The following NKAIN2 variants were observed in gnomAD, a reference collection of about 807,000 sequenced individuals.
The protein encoded by NKAIN2 is sodium/potassium transporting ATPase interacting 2, also known as sodium/potassium-transporting ATPase subunit beta-1-interacting protein 2.
Under a neutral mutation model 32.6 loss-of-function variants are expected in NKAIN2, and 14 were observed. The ratio of observed to expected loss-of-function variants is 0.43; its 90% CI spans 0.28 to 0.67. NKAIN2 has a LOEUF of 0.67. Ranked by LOEUF, NKAIN2 falls within the 30% of genes least tolerant of loss-of-function variation. The pLI, the probability that NKAIN2 is intolerant of heterozygous loss-of-function variation, is 0.17. For synonymous variants in NKAIN2, 80 were observed against 87.2 expected (o/e 0.92, Z 0.46); for missense variants, 198 against 258.3 (o/e 0.77, Z 1.60).
chr6:124,130,266 T>C (rs1786402634), intron 1 of NKAIN2, among the ~76,000 whole-genome samples: 1 of 152,182 alleles, frequency 6.6e-6, no homozygotes, highest in African/African-American at 2.4e-5. Flanking sequence ...CCACAGGGTA[T>C]GAACCAAAAT....
intron 3 of NKAIN2, among the ~76,000 whole-genome samples, chr6:124,645,351 G>T (rs1471119519): frequency 6.6e-6 from 1 of 152,156 alleles, no homozygotes; most frequent in South Asian, 2.1e-4. Flanking sequence ...TCTTCCAATG[G>T]TCTCCACATC....
rs531049183 is a variant in NKAIN2, at chr6:123,893,274, C to A, written c.54+89020C>A. Among the ~76,000 whole-genome samples the A allele has an allele frequency of 2.6e-5, 4 of 152,282 alleles. No homozygotes were observed. In the East Asian group the frequency reaches 5.8e-4, roughly 22 times the overall value. On this transcript the variant is annotated intron_variant, in intron 1 of 6. Coordinates refer to ENST00000368417, the MANE Select transcript of NKAIN2 (RefSeq NM_001040214.3). ...GGAGTACAGTGGTGGGATCATATTT[C>A]ATTGTAGCCTTGAATTGCTGGACTC...
At chr6:124,102,368 G>C (rs1281616244) in intron 1 of NKAIN2, among the ~76,000 whole-genome samples, 1 of 152,202 alleles carries the variant, frequency 6.6e-6, no homozygotes, top group Non-Finnish European at 1.5e-5. Context: ...GAAGGGGCAG[G>C]AGTTTGGACA....
intron 2 of NKAIN2, among the ~76,000 whole-genome samples, chr6:124,332,351 C>T (rs755337820): frequency 6.6e-6 from 1 of 151,740 alleles, no homozygotes; most frequent in Non-Finnish European, 1.5e-5. Context: ...TCTTACTTGG[C>T]CTTCTTTCAT....
At chr6:123,910,393 T>C (rs376829431) in intron 1 of NKAIN2, among the ~76,000 whole-genome samples, 15 of 152,234 alleles carry the variant, frequency 9.9e-5, no homozygotes, top group African/African-American at 3.1e-4. Context: ...CACTAATTAA[T>C]ACTGACTTTT....
intron 1 of NKAIN2, among the ~76,000 whole-genome samples, chr6:124,167,344 C>T (rs1168746999): frequency 6.6e-6 from 1 of 151,292 alleles, no homozygotes; most frequent in Non-Finnish European, 1.5e-5. Context: ...TATAAGAATG[C>T]TTGTGATTTT....
At chr6:124,034,867 A>T (rs925936393) in intron 1 of NKAIN2, among the ~76,000 whole-genome samples, 4 of 151,934 alleles carry the variant, frequency 2.6e-5, no homozygotes, top group African/African-American at 9.7e-5. Flanking sequence ...TTCTCTGAAG[A>T]TTAGTGATGT....
chr6:124,342,207 T>G (rs1382787993), intron 2 of NKAIN2, among the ~76,000 whole-genome samples: 1 of 151,730 alleles, frequency 6.6e-6, no homozygotes, highest in African/African-American at 2.4e-5. Context: ...CGAGACCATC[T>G]TGGCTGACAT....
chr6:124,687,710 T>G (rs1481295455), intron 4 of NKAIN2, among the ~76,000 whole-genome samples: 1 of 18,318 alleles, frequency 5.5e-5, no homozygotes, highest in Non-Finnish European at 1.6e-4. Context: ...AATATATGAA[T>G]ATAATATATA....
At chr6:123,813,003 T>C (rs942202602) in intron 1 of NKAIN2, among the ~76,000 whole-genome samples, 1 of 152,272 alleles carries the variant, frequency 6.6e-6, no homozygotes, top group Non-Finnish European at 1.5e-5. Context: ...GAAGGGTCTA[T>C]GTTACATGTG....
chr6:124,506,626 G>T (rs965342530), intron 3 of NKAIN2, among the ~76,000 whole-genome samples: 8 of 151,856 alleles, frequency 5.3e-5, no homozygotes, highest in African/African-American at 1.7e-4. Flanking sequence ...CCAGGGCAAA[G>T]AAATAATGAG....
At chr6:124,062,653 G>T (rs938629196) in intron 1 of NKAIN2, among the ~76,000 whole-genome samples, 1 of 152,096 alleles carries the variant, frequency 6.6e-6, no homozygotes, top group Non-Finnish European at 1.5e-5. Flanking sequence ...GGGCTCAAAC[G>T]ATACACCTGC....
At chr6:124,631,368 A>AGAT (rs1783558707) in intron 3 of NKAIN2, among the ~76,000 whole-genome samples, 1 of 152,206 alleles carries the variant, frequency 6.6e-6, no homozygotes, top group South Asian at 2.1e-4. Context: ...TGTGTGAACT[A>AGAT]GATAGACTGA....
chr6:124,400,551 A>G (rs2114454250), intron 3 of NKAIN2, among the ~76,000 whole-genome samples: 1 of 152,332 alleles, frequency 6.6e-6, no homozygotes, highest in African/African-American at 2.4e-5. Flanking sequence ...GCAGTACTCA[A>G]TATCCTGGCA....
intron 3 of NKAIN2, among the ~76,000 whole-genome samples, chr6:124,567,970 A>T (rs571423): frequency 0.99 from 150,962 of 152,196 alleles, 74,879 homozygotes; most frequent in East Asian, 1. Context: ...CTTGACTGTT[A>T]GATGCAGGTG....
chr6:124,462,839 C>G (rs1342463099), intron 3 of NKAIN2, among the ~76,000 whole-genome samples: 6 of 152,008 alleles, frequency 3.9e-5, no homozygotes, highest in Non-Finnish European at 4.4e-5. Context: ...TGTATTATGA[C>G]TTGCAGGGAA....
In NKAIN2 at chr6:124,733,861, A is replaced by G. The variant is rs533732848; in HGVS notation, c.475-57478A>G. 1.1e-4 allele frequency among the ~76,000 whole-genome samples: 17 copies of G among 151,942 alleles called. No homozygotes were observed. In the Middle Eastern group the frequency reaches 0.017, roughly 152 times the overall value. ...TATCCATAGGTTAGTATACACACAC[A>G]TATTTTCTTGCACTGTCAGTTGACA... On this transcript the variant is annotated intron_variant, in intron 4 of 6. Transcript: ENST00000368417.
In NKAIN2 at chr6:124,287,119, A is replaced by G. The variant is rs190326375; in HGVS notation, c.192+3977A>G. Among the ~76,000 whole-genome samples the G allele has an allele frequency of 5.4e-3, 815 of 152,318 alleles. 12 individuals are homozygous for G. Among genetic ancestry groups the G allele is most frequent in the South Asian group, 0.041 (197 of 4,814 alleles). On this transcript the variant is annotated intron_variant, in intron 2 of 6. Transcript: ENST00000368417. ...CTTCCTTTTGATACTTAGTATGTCT[A>G]TCTTATTACAGTTAACTCTCTTTCA...
chr6:124,412,153 G>A (rs539044111), intron 3 of NKAIN2, among the ~76,000 whole-genome samples: 34 of 152,142 alleles, frequency 2.2e-4, no homozygotes, highest in African/African-American at 7.2e-4. Context: ...GGAGTAGTTC[G>A]ATCTTCTGAA....
Sources: gnomAD v4.1 joint callset for allele counts (sites outside exome capture counted in the v4.1 genomes callset) on GRCh38, gnomAD v4.1.1 for gene constraint, MANE v1.5 for transcripts, NCBI Gene and HGNC (gene_info 2026-07-23, HGNC 2026-07-21) for gene names.